ATP2B2: variants seen among roughly 807,000 people sequenced by gnomAD.
ATP2B2 encodes ATPase plasma membrane Ca2+ transporting 2.
In ATP2B2, 15 loss-of-function variants were observed where a neutral mutation model predicts 120.0. The observed-to-expected ratio is 0.12, with a 90% CI of 0.08 to 0.19. The LOEUF is 0.19. ATP2B2 is among the 10% of genes least tolerant of loss of function. ATP2B2 has a pLI of 1.00. For synonymous variants in ATP2B2, 694 were observed against 700.3 expected, an observed-to-expected ratio of 0.99 and a Z score of 0.14; for missense variants, 1,045 against 1,719.8, an observed-to-expected ratio of 0.61 and a Z score of 6.94.
rs4040764 is a variant in ATP2B2 at position 10,356,964 on chromosome 3, T to TGAGA, written c.2136+1723_2136+1726dup. Among the ~76,000 whole-genome samples the TGAGA allele has an allele frequency of 4.1e-3, 598 of 144,444 alleles. 2 individuals carry two copies. The highest frequency in any genetic ancestry group is 0.031 in the South Asian group (137 of 4,470). 94.8% of individuals were successfully genotyped at this position (144,444 alleles called of 152,430 possible). On this transcript the variant is annotated intron_variant, in intron 14 of 22. Coordinates refer to ENST00000360273, the MANE Select transcript of ATP2B2 (RefSeq NM_001001331.4). ...CACCCCCAAGGAGGGTGTGTGTGTATGAGAGAGAGAGAGAGAGAGAGAGAG... is the reference window on the plus strand; with the variant it reads ...CACCCCCAAGGAGGGTGTGTGTGTATGAGAGAGAGAGAGAGAGAGAGAGAGAGAG...
Position 10,410,673 on chromosome 3 carries a change from G to A in ATP2B2, c.342C>T (p.Ala114=), listed in dbSNP as rs768541257. The A allele has an allele frequency of 8.6e-5, 138 of 1,613,914 alleles. No individual in the cohort carries two copies. The South Asian group carries it at 9.4e-4, about 11-fold the overall frequency. ...QDVTLIILEI[A]AIISLGLSFY... The stretch of plus-strand genomic sequence containing the variant: ...AGGACAGCCCCAGGGAGATGATGGC[G>A]GCAATCTCCAGGATGATGAGCGTCA... The change falls in exon 3 of 23, where the codon GCC becomes GCT. Residue 114 remains alanine, a synonymous_variant. Transcript: ENST00000360273.
chr3:10,367,438 G>A (rs1035017754), intron 12 of ATP2B2, among the ~76,000 whole-genome samples: 1 of 152,110 alleles, frequency 6.6e-6, no homozygotes, highest in Non-Finnish European at 1.5e-5. Flanking sequence ...AGGGGATGTT[G>A]AGGGTCAAGA....
intron 1 of ATP2B2, among the ~76,000 whole-genome samples, chr3:10,482,729 CTG>C (rs2065465252): frequency 6.6e-6 from 1 of 152,258 alleles, no homozygotes; most frequent in African/African-American, 2.4e-5. Flanking sequence ...AGCCTTCTGA[CTG>C]AGAGTGAGGA....
At chr3:10,472,080 CA>C (rs55895159) in intron 1 of ATP2B2, among the ~76,000 whole-genome samples, 6,147 of 93,546 alleles carry the variant, frequency 0.066, 128 homozygotes, top group African/African-American at 0.12. Context: ...GACTCCGTCT[CA>C]AAAAAAAAAA....
At position 10,402,156 on chromosome 3, in the gene ATP2B2, G is replaced by C; in HGVS notation, c.590C>G (p.Ala197Gly). The C allele has an allele frequency of 6.2e-7, 1 of 1,614,202 alleles. No homozygotes were observed. Among genetic ancestry groups the C allele is most frequent in the East Asian group, 2.2e-5 (1 of 44,882 alleles). ...CACAGGGATCTGGACCACCTGGCCA[G>C]CCCGGACCACGGTAAATTTCTGTTC... Reference protein sequence around the residue: ...EQEQKFTVVRAGQVVQIPVAE... With the variant: ...EQEQKFTVVRGGQVVQIPVAE... The change falls in exon 4 of 23, where the codon GCT becomes GGT. Residue 197 changes from alanine (A) to glycine (G), a missense_variant. Physicochemically the swap from Ala to Gly is moderately conservative, Grantham distance 60. Around this residue, in one of 11 missense-constraint regions of ATP2B2, gnomAD observed 35 missense variants for 29.9 expected, o/e 1.17. Coordinates refer to ENST00000360273, the MANE Select transcript of ATP2B2 (RefSeq NM_001001331.4). This position sits in a 1 kb window ranked among gnomAD's most constrained non-coding sequence, Gnocchi z 4.9.
At chr3:10,392,461 G>A (rs971209709) in intron 5 of ATP2B2, among the ~76,000 whole-genome samples, 1 of 151,846 alleles carries the variant, frequency 6.6e-6, no homozygotes, top group African/African-American at 2.4e-5. Context: ...CCCTGCAGAG[G>A]GCAATGCTTA....
At chr3:10,560,471 C>G (rs1251829422) in intron 2 of ATP2B2, among the ~76,000 whole-genome samples, 1 of 132,304 alleles carries the variant, frequency 7.6e-6, no homozygotes, top group African/African-American at 2.9e-5. Context: ...ACTTCAAATG[C>G]CCCATAGCCC....
intron 3 of ATP2B2, among the ~76,000 whole-genome samples, chr3:10,407,784 T>A (rs770611192): frequency 1.6e-4 from 24 of 151,986 alleles, no homozygotes; most frequent in Admixed American, 4.6e-4. Context: ...ACGTGGGGAG[T>A]GACACCTGCT....
chr3:10,371,914 G>A lies in ATP2B2; in HGVS notation c.1554C>T (p.Asp518=), dbSNP rs375311614. The A allele has an allele frequency of 1.5e-5, 24 of 1,614,056 alleles. No individual in the cohort carries two copies. The highest frequency in any genetic ancestry group is 2.0e-5 in the Non-Finnish European group (24 of 1,180,044). ...RMTVVQAYVG[D]VHYKEIPDPS... is the part of the protein sequence containing the mutation. Reference sequence around the variant, plus strand: ...GGTCGGGGATCTCTTTATAGTGGACGTCGCCGACATAGGCCTGTACCACTG... The same window carrying A: ...GGTCGGGGATCTCTTTATAGTGGACATCGCCGACATAGGCCTGTACCACTG... Residue 518 remains aspartate (D), a synonymous_variant, in exon 12 of 23, where the codon GAC becomes GAT. Coordinates refer to ENST00000360273, the MANE Select transcript of ATP2B2 (RefSeq NM_001001331.4).
chr3:10,480,580 T>C (rs1214921892), intron 1 of ATP2B2, among the ~76,000 whole-genome samples: 2 of 152,190 alleles, frequency 1.3e-5, no homozygotes, highest in African/African-American at 4.8e-5. Flanking sequence ...CTCCCTGTCA[T>C]ATGCCAGTTC....
intron 1 of ATP2B2, among the ~76,000 whole-genome samples, chr3:10,458,754 C>T (rs1218142656): frequency 6.6e-6 from 1 of 152,214 alleles, no homozygotes; most frequent in Non-Finnish European, 1.5e-5. Context: ...TTGCTGTCCC[C>T]ACTTTATAGG....
At chr3:10,377,662 G>A (rs2061418524) in intron 10 of ATP2B2, among the ~76,000 whole-genome samples, 3 of 152,214 alleles carry the variant, frequency 2.0e-5, no homozygotes, top group African/African-American at 2.4e-5. Context: ...TTCTCCCTGG[G>A]CTCTTGGCAA....
At chr3:10,522,935 A>G (rs2067014144) in intron 3 of ATP2B2, among the ~76,000 whole-genome samples, 3 of 152,232 alleles carry the variant, frequency 2.0e-5, no homozygotes. Flanking sequence ...TCTGAGGACT[A>G]CAGGAGAGGA....
chr3:10,522,724 A>T (rs1575455513), intron 3 of ATP2B2, among the ~76,000 whole-genome samples: 1 of 152,208 alleles, frequency 6.6e-6, no homozygotes. Context: ...TCATTACCTC[A>T]TAGAGCCTCA....
intron 3 of ATP2B2, among the ~76,000 whole-genome samples, chr3:10,526,452 C>T (rs1239702933): frequency 6.6e-6 from 1 of 152,186 alleles, no homozygotes; most frequent in African/African-American, 2.4e-5. Flanking sequence ...AGCTATATCC[C>T]GCCCCCTCAG....
In ATP2B2 at chr3:10,347,498, A is replaced by G. The variant is rs938135143; in HGVS notation, c.2405-1361T>C. Among the ~76,000 whole-genome samples, 2 of 152,168 alleles carry G rather than the reference A, an allele frequency of 1.3e-5. No individual in the cohort carries two copies. The highest frequency in any genetic ancestry group is 6.5e-5 in the Admixed American group (1 of 15,280). On this transcript the variant is annotated intron_variant, in intron 16 of 22. Coordinates refer to ENST00000360273, the MANE Select transcript of ATP2B2 (RefSeq NM_001001331.4). The surrounding 1 kb of genome is among the most constrained non-coding windows in gnomAD (Gnocchi z 5.2). Reference sequence around the variant, plus strand: ...CATAACCTGGGGCACTGTGCCCCCAACCTGCTCCCTTGCAGCTCTACCCTC... The same window carrying G: ...CATAACCTGGGGCACTGTGCCCCCAGCCTGCTCCCTTGCAGCTCTACCCTC...
chr3:10,337,643 G>A (rs2060156815), intron 22 of ATP2B2, among the ~76,000 whole-genome samples: 1 of 152,148 alleles, frequency 6.6e-6, no homozygotes, highest in African/African-American at 2.4e-5. Context: ...GTGCATGTGT[G>A]TCTGTGTGTG....
intron 2 of ATP2B2, among the ~76,000 whole-genome samples, chr3:10,597,004 C>T (rs542178425): frequency 5.7e-4 from 85 of 150,408 alleles, no homozygotes; most frequent in Middle Eastern, 3.4e-3. Flanking sequence ...CACACGCACA[C>T]AGGCACACAC....
chr3:10,343,079 T>C lies in ATP2B2; in HGVS notation c.2704-114A>G. 1.8e-6 allele frequency: 2 copies of C among 1,097,892 alleles called. No individual in the cohort carries two copies. Among genetic ancestry groups the C allele is most frequent in the South Asian group, 2.8e-5 (2 of 71,738 alleles). 68.0% of individuals were successfully genotyped at this position (1,097,892 alleles called of 1,614,324 possible). A position where few individuals can be genotyped will look rare whatever the true frequency, so the allele number is the denominator to read the frequency against. On this transcript the variant is annotated intron_variant, in intron 18 of 22. Transcript: ENST00000360273. The surrounding 1 kb of genome is among the most constrained non-coding windows in gnomAD (Gnocchi z 4.2). ...TCCTGCTGGAGGCTGGAGTCCGACC[T>C]GCCCCTTGGCTCCCCAGCAGGCATG...
Sources: gnomAD v4.1 joint callset for allele counts (sites outside exome capture counted in the v4.1 genomes callset) on GRCh38, gnomAD v4.1.1 for gene constraint, gnomAD v4.1.1 regional missense constraint, Gnocchi (gnomAD v3.1) non-coding constraint, MANE v1.5 for transcripts, NCBI Gene and HGNC (gene_info 2026-07-23, HGNC 2026-07-21) for gene names.